The following SEM1 variants were observed in gnomAD, a reference collection of about 807,000 sequenced individuals.
SEM1 encodes the protein SEM1 26S proteasome subunit.
A neutral mutation model predicts 12.7 loss-of-function variants in SEM1; 3 were observed. The ratio of observed to expected loss-of-function variants is 0.24; its 90% CI spans 0.11 to 0.61. The LOEUF is 0.61. Among genes scored for constraint, SEM1 ranks in the 20% least tolerant of loss-of-function variants. The pLI is 0.88. For missense variants in SEM1, 59 were observed against 81.3 expected (o/e 0.73, Z 1.06); for synonymous variants, 30 against 27.8 (o/e 1.08, Z -0.25).
chr7:96,637,075 A>G (rs1808450326), intron 2 of SEM1, among the ~76,000 whole-genome samples: 1 of 152,064 alleles, frequency 6.6e-6, no homozygotes, highest in African/African-American at 2.4e-5. Context: ...ATTGTTAGCC[A>G]CTGTCTCTGG....
chr7:96,666,228 G>A (rs1176707202), intron 2 of SEM1, among the ~76,000 whole-genome samples: 1 of 152,094 alleles, frequency 6.6e-6, no homozygotes, highest in Non-Finnish European at 1.5e-5. Context: ...CCCCAGATCT[G>A]GAAACTGGGC....
chr7:96,508,993 C>CTTT (rs11438472), intron 2 of SEM1, among the ~76,000 whole-genome samples: 8 of 142,850 alleles, frequency 5.6e-5, no homozygotes, highest in East Asian at 2.1e-4. Context: ...AGAAACACAA[C>CTTT]TTTTTTTTTT....
At chr7:96,612,105 A>G (rs1371060086) in intron 2 of SEM1, among the ~76,000 whole-genome samples, 2 of 152,182 alleles carry the variant, frequency 1.3e-5, no homozygotes, top group African/African-American at 4.8e-5. Context: ...GCAACATTTT[A>G]TCATTGAGTA....
At chr7:96,676,245 T>C (rs369630563) in intron 2 of SEM1, among the ~76,000 whole-genome samples, 1 of 152,200 alleles carries the variant, frequency 6.6e-6, no homozygotes, top group African/African-American at 2.4e-5. Context: ...GATTAAGTCA[T>C]TGACAGTTTT....
chr7:96,580,181 C>T (rs1262052707), intron 2 of SEM1, among the ~76,000 whole-genome samples: 4 of 144,224 alleles, frequency 2.8e-5, no homozygotes, highest in East Asian at 4.2e-4. Flanking sequence ...CGTGTGTTCT[C>T]GTTGTTCAAT....
At chr7:96,678,716 A>G (rs1265627818) in intron 2 of SEM1, among the ~76,000 whole-genome samples, 2 of 152,092 alleles carry the variant, frequency 1.3e-5, no homozygotes, top group African/African-American at 2.4e-5. Context: ...CTATTCCTAA[A>G]TTTTTCTGTA....
chr7:96,658,414 G>C (rs1292448312), intron 2 of SEM1, among the ~76,000 whole-genome samples: 1 of 152,142 alleles, frequency 6.6e-6, no homozygotes, highest in Admixed American at 6.5e-5. Flanking sequence ...CTGGCATATG[G>C]TCTTTTAATT....
chr7:96,610,824 A>C (rs905939102), intron 2 of SEM1, among the ~76,000 whole-genome samples: 1 of 152,184 alleles, frequency 6.6e-6, no homozygotes, highest in African/African-American at 2.4e-5. Context: ...ACTGCTTATC[A>C]TTGAAGGAGT....
chr7:96,682,813 T>C (rs1301929712), intron 2 of SEM1, among the ~76,000 whole-genome samples: 2 of 151,816 alleles, frequency 1.3e-5, no homozygotes, highest in South Asian at 2.1e-4. Context: ...TATCTTTGGA[T>C]AGATAAAATA....
intron 2 of SEM1, among the ~76,000 whole-genome samples, chr7:96,678,559 G>A (rs1386534278): frequency 7.2e-5 from 11 of 152,036 alleles, no homozygotes; most frequent in South Asian, 4.1e-4. Flanking sequence ...AAATGAAATC[G>A]TATGCTGAAT....
intron 2 of SEM1, among the ~76,000 whole-genome samples, chr7:96,676,429 C>G (rs1290972792): frequency 6.6e-6 from 1 of 152,142 alleles, no homozygotes; most frequent in Non-Finnish European, 1.5e-5. Flanking sequence ...AGTCTGTTAC[C>G]TATTATTTAC....
intron 1 of SEM1, among the ~76,000 whole-genome samples, chr7:96,492,360 G>A (rs772634529): frequency 3.3e-5 from 5 of 152,018 alleles, no homozygotes; most frequent in Non-Finnish European, 7.4e-5. Flanking sequence ...TATTTTACTT[G>A]ATATAATGCC....
chr7:96,670,143 GTAA>G (rs1251273052), downstream of SEM1, among the ~76,000 whole-genome samples: 10 of 152,122 alleles, frequency 6.6e-5, no homozygotes, highest in Admixed American at 1.3e-4. Flanking sequence ...TGTTAATCAA[GTAA>G]TAATAAAATC....
chr7:96,567,671 A>G (rs1441938999), intron 2 of SEM1, among the ~76,000 whole-genome samples: 1 of 151,544 alleles, frequency 6.6e-6, no homozygotes, highest in African/African-American at 2.4e-5. Flanking sequence ...TCTATTTATT[A>G]TTTTTTTATC....
intron 2 of SEM1, among the ~76,000 whole-genome samples, chr7:96,567,062 C>T (rs573509490): frequency 7.3e-5 from 11 of 151,564 alleles, no homozygotes; most frequent in Non-Finnish European, 1.0e-4. Flanking sequence ...ACTAATGTCA[C>T]GTCAGAAATT....
At chr7:96,575,530 A>T (rs1288525207) in intron 2 of SEM1, among the ~76,000 whole-genome samples, 2 of 152,230 alleles carry the variant, frequency 1.3e-5, no homozygotes, top group Non-Finnish European at 2.9e-5. Context: ...TATAGACAGC[A>T]GGCAGGAACA....
chr7:96,563,542 T>A (rs9918701), intron 2 of SEM1, among the ~76,000 whole-genome samples: 48,275 of 151,736 alleles, frequency 0.32, 8,160 homozygotes, highest in African/African-American at 0.44. Context: ...TACAAAAAAA[T>A]TTGGAATTTA....
chr7:96,484,078 ATAGGG>A (rs1411622183), intron 3 of SEM1: 22 of 1,196,896 alleles, frequency 1.8e-5, no homozygotes, highest in African/African-American at 3.1e-5. Flanking sequence ...CAACAACCCT[ATAGGG>A]TAGATCCAAT....
At chr7:96,530,341 T>A (rs1311928176) in intron 2 of SEM1, among the ~76,000 whole-genome samples, 2 of 152,008 alleles carry the variant, frequency 1.3e-5, no homozygotes, top group Non-Finnish European at 2.9e-5. Context: ...TGCCTGGAAG[T>A]AGCAGAGCTT....
Sources: allele counts gnomAD v4.1 joint callset (sites outside exome capture counted in the v4.1 genomes callset), GRCh38; gene constraint gnomAD v4.1.1; transcripts MANE v1.5; gene names NCBI Gene and HGNC (gene_info 2026-07-23, HGNC 2026-07-21).